Variants in DPP4 observed in about 807,000 individuals in gnomAD.
DPP4 encodes the protein ADCP-2.
DPP4 carries 93 observed loss-of-function variants against 122.4 expected under a neutral mutation model. The ratio of observed to expected loss-of-function variants is 0.76; its 90% CI spans 0.64 to 0.90. DPP4 has a LOEUF of 0.90. Ranked by LOEUF, DPP4 falls within the 40% of genes least tolerant of loss-of-function variation. The pLI, the probability that DPP4 is intolerant of heterozygous loss-of-function variation, is 0.00. For synonymous variants in DPP4, 321 were observed against 302.9 expected, an observed-to-expected ratio of 1.06 and a Z score of -0.62; for missense variants, 914 against 907.3, an observed-to-expected ratio of 1.01 and a Z score of -0.09.
Position 162,009,172 on chromosome 2 carries a change from A to C in DPP4, c.1887+69T>G. The C allele has an allele frequency of 2.6e-6, 4 of 1,514,032 alleles. No individual in the cohort carries two copies. The Admixed American group carries it at 6.7e-5, about 25-fold the overall frequency. The allele number at this position is 1,514,032 out of a possible 1,614,324, so 93.8% of individuals were successfully genotyped here. On this transcript the variant is annotated intron_variant, in intron 21 of 25. Coordinates refer to ENST00000360534, the MANE Select transcript of DPP4 (RefSeq NM_001935.4). ...TCACCTCCAAATATGTATATACAAA[A>C]GATAAAGTAACCTGCTCTGAGTGAT...
At chr2:162,043,696 C>T (rs1479185630) in intron 5 of DPP4, among the ~76,000 whole-genome samples, 1 of 152,172 alleles carries the variant, frequency 6.6e-6, no homozygotes, top group South Asian at 2.1e-4. Flanking sequence ...GGGTTCTCAG[C>T]CCTGGTTGCC....
intron 3 of DPP4, 38 bp from the exon 4 acceptor site, chr2:162,047,044 G>A: frequency 8.8e-7 from 1 of 1,135,648 alleles, no homozygotes; most frequent in South Asian, 1.3e-5. Flanking sequence ...ATTTCAAGTT[G>A]TTATTAAACA....
intron 6 of DPP4, 38 bp downstream of exon 6, chr2:162,039,094 T>C: frequency 1.2e-6 from 2 of 1,610,392 alleles, no homozygotes; most frequent in Non-Finnish European, 1.7e-6. Context: ...AATATGACAG[T>C]AGGAAAGCCT....
chr2:162,065,419 G>A (rs754913619), intron 2 of DPP4, among the ~76,000 whole-genome samples: 1 of 152,186 alleles, frequency 6.6e-6, no homozygotes, highest in Non-Finnish European at 1.5e-5. Flanking sequence ...AGGTGGAAAG[G>A]CCCCATGTTC....
At chr2:162,042,252 C>T (rs1684012112) in intron 5 of DPP4, among the ~76,000 whole-genome samples, 1 of 152,146 alleles carries the variant, frequency 6.6e-6, no homozygotes, top group South Asian at 2.1e-4. Flanking sequence ...CATGAGAATG[C>T]ATGAGAAGCA....
At chr2:162,069,535 C>G (rs1357729956) in intron 2 of DPP4, among the ~76,000 whole-genome samples, 5 of 152,166 alleles carry the variant, frequency 3.3e-5, no homozygotes, top group African/African-American at 1.2e-4. Flanking sequence ...AAGGCATATG[C>G]TATGGCTAGG....
At position 162,014,299 on chromosome 2, in the gene DPP4, G is replaced by A. The variant is rs544937155; in HGVS notation, c.1637+97C>T. On this transcript the variant is annotated intron_variant, in intron 19 of 25. Coordinates refer to ENST00000360534, the MANE Select transcript of DPP4 (RefSeq NM_001935.4). ...TAGTAAACAGTGATCCAGGAAGAGG[G>A]AAAGGACGCATTTGGCTCCATTTTT... 299 of 952,540 alleles carry A rather than the reference G, an allele frequency of 3.1e-4. No homozygotes were observed. In the African/African-American group the frequency reaches 4.7e-3, roughly 15 times the overall value. 59.0% of individuals were successfully genotyped at this position (952,540 alleles called of 1,614,324 possible).
intron 8 of DPP4, among the ~76,000 whole-genome samples, chr2:162,037,630 C>A (rs1253996944): frequency 6.6e-6 from 1 of 152,052 alleles, no homozygotes; most frequent in Non-Finnish European, 1.5e-5. Context: ...CCTCAAAATG[C>A]CTTTTATCTT....
At position 162,046,767 on chromosome 2, in the gene DPP4, G is replaced by A. The variant is rs1351100962; in HGVS notation, c.285+148C>T. On this transcript the variant is annotated intron_variant, in intron 4 of 25. Transcript: ENST00000360534. ...GACTAAAAAGTAGCCAAGGCAGGGA[G>A]CATTTCAAGAAGGAGAGAAAGATCC... 1.3e-5 allele frequency: 9 copies of A among 697,246 alleles called. 1 individual carries two copies. The highest frequency in any genetic ancestry group is 1.0e-4 in the South Asian group (7 of 66,762). 43.2% of individuals were successfully genotyped at this position (697,246 alleles called of 1,614,324 possible). A position where few individuals can be genotyped will look rare whatever the true frequency, so the allele number is the denominator to read the frequency against.
chr2:162,022,745 T>C lies in DPP4; in HGVS notation c.1068+10A>G, dbSNP rs1384474925. ...CTCATCCATAAAACCCCACAACTTA[T>C]AACACTTACTCTTCCAACCCAGCCA... On this transcript the variant is annotated intron_variant, in intron 12 of 25. Coordinates refer to ENST00000360534, the MANE Select transcript of DPP4 (RefSeq NM_001935.4). 1.2e-6 allele frequency: 2 copies of C among 1,613,990 alleles called. No individual in the cohort carries two copies. The highest frequency in any genetic ancestry group is 1.1e-5 in the South Asian group (1 of 91,074).
At position 162,018,595 on chromosome 2, in the gene DPP4, C is replaced by T. The variant is rs1245755521; in HGVS notation, c.1420+134G>A. On this transcript the variant is annotated intron_variant, in intron 16 of 25. Coordinates refer to ENST00000360534, the MANE Select transcript of DPP4 (RefSeq NM_001935.4). The stretch of plus-strand genomic sequence containing the variant: ...GGGAAGAAAAGATTGTTTATGCTCA[C>T]TACTTAAATGTGAGTGGAGAGAAGG... 1.5e-5 allele frequency: 18 copies of T among 1,161,990 alleles called. No individual in the cohort carries two copies. In the East Asian group the frequency reaches 4.2e-4, roughly 27 times the overall value. The allele number at this position is 1,161,990 out of a possible 1,614,324, so 72.0% of individuals were successfully genotyped here.
intron 17 of DPP4, 100 bp from the exon 18 acceptor site, chr2:162,016,966 C>A: frequency 7.1e-7 from 1 of 1,405,208 alleles, no homozygotes; most frequent in Non-Finnish European, 9.8e-7. Flanking sequence ...GATCGGACTA[C>A]ACATACTTCA....
At chr2:161,996,916 G>A (rs1701021116) in intron 23 of DPP4, among the ~76,000 whole-genome samples, 1 of 152,176 alleles carries the variant, frequency 6.6e-6, no homozygotes, top group South Asian at 2.1e-4. Flanking sequence ...GTGGGCTACT[G>A]TAACTCCTCT....
chr2:162,044,542 G>C (rs1684107694), intron 5 of DPP4, among the ~76,000 whole-genome samples: 1 of 151,954 alleles, frequency 6.6e-6, no homozygotes, highest in African/African-American at 2.4e-5. Context: ...CCTAGAAAAG[G>C]AAGATCAGGG....
rs1685223217 is a variant in DPP4 at position 162,074,063 on chromosome 2, C to A, written c.-82G>T. The A allele has an allele frequency of 1.3e-6, 2 of 1,551,740 alleles. No individual in the cohort carries two copies. Among genetic ancestry groups the A allele is most frequent in the African/African-American group, 2.7e-5 (2 of 73,416 alleles). On this transcript the variant is annotated 5_prime_UTR_variant, in exon 1 of 26. Transcript: ENST00000360534. The stretch of plus-strand genomic sequence containing the variant: ...GCGGGCGGCGGAGACGCGCGTCCTG[C>A]ACCGCTGCTCCGGGCGGTGGAGTCA...
chr2:162,047,982 C>T (rs1359244514), intron 2 of DPP4, among the ~76,000 whole-genome samples: 1 of 152,216 alleles, frequency 6.6e-6, no homozygotes, highest in Middle Eastern at 3.4e-3. Context: ...ATACTTACAG[C>T]ATATCTCAAT....
At chr2:162,073,278 C>G (rs1685181558) in intron 2 of DPP4, 121 bp downstream of exon 2, 2 of 930,878 alleles carry the variant, frequency 2.1e-6, no homozygotes, top group South Asian at 1.5e-5. Context: ...GAAGCCTTCT[C>G]AGCTACACTT....
rs746606723 is a variant in DPP4, at chr2:162,038,424, T to C, written c.493-2A>G. 3 of 1,593,678 alleles carry C rather than the reference T, an allele frequency of 1.9e-6. No individual in the cohort carries two copies. The South Asian group carries it at 3.5e-5, about 18-fold the overall frequency. ...AATGTCATTGTTCCAAACATATGCC[T>C]AGAAGGAAAAAAAACAAGCATTGAT... On this transcript the variant is annotated splice_acceptor_variant, in intron 7 of 25. Transcript: ENST00000360534. LOFTEE classifies it high-confidence loss of function.
At chr2:162,034,281 T>G (rs1683685549) in intron 9 of DPP4, among the ~76,000 whole-genome samples, 1 of 152,216 alleles carries the variant, frequency 6.6e-6, no homozygotes, top group African/African-American at 2.4e-5. Context: ...AATATGATAT[T>G]TTTAGTGAGA....
Sources: allele counts gnomAD v4.1 joint callset (sites outside exome capture counted in the v4.1 genomes callset), GRCh38; gene constraint gnomAD v4.1.1; transcripts MANE v1.5; gene names NCBI Gene and HGNC (gene_info 2026-07-23, HGNC 2026-07-21).